The following CTNNA2 variants were observed in gnomAD, a reference collection of about 807,000 sequenced individuals.
The protein encoded by CTNNA2 is catenin alpha 2, also known as catenin alpha-2.
CTNNA2 carries 42 observed loss-of-function variants against 101.0 expected under a neutral mutation model. The observed-to-expected ratio is 0.42, with a 90% confidence interval of 0.32 to 0.54. CTNNA2 has a LOEUF of 0.54. Ranked by LOEUF, CTNNA2 falls within the 20% of genes least tolerant of loss-of-function variation. The pLI is 0.14. For synonymous variants in CTNNA2, 450 were observed against 456.4 expected, an observed-to-expected ratio of 0.99 and a Z score of 0.18; for missense variants, 871 against 1,223.1, an observed-to-expected ratio of 0.71 and a Z score of 4.29.
intron 3 of CTNNA2, among the ~76,000 whole-genome samples, chr2:79,356,647 TC>T (rs1304480622): frequency 6.6e-6 from 1 of 152,178 alleles, no homozygotes; most frequent in African/African-American, 2.4e-5. Context: ...CAACCCAACG[TC>T]TAGTTAGCTT....
chr2:79,988,466 ATGTGTGTGTG>A (rs70940067), intron 7 of CTNNA2, among the ~76,000 whole-genome samples: 70,262 of 149,048 alleles, frequency 0.47, 18,318 homozygotes, highest in Non-Finnish European at 0.62. Context: ...GTGTATGTGT[ATGTGTGTGTG>A]TGTGTGTGTG....
In CTNNA2 at chr2:80,377,659, T is replaced by A. The variant is rs539280537; in HGVS notation, c.1057-15552T>A. On this transcript the variant is annotated intron_variant, in intron 7 of 18. Coordinates refer to ENST00000402739, the MANE Select transcript of CTNNA2 (RefSeq NM_001282597.3). ...CATAAGAAGGTAAAATGAGATAACA[T>A]TGATTTATTTATCAAAGCATCCGTC... is the stretch of plus-strand genomic sequence containing the variant. 3.9e-5 allele frequency among the ~76,000 whole-genome samples: 6 copies of A among 152,292 alleles called. No individual in the cohort carries two copies. The South Asian group carries it at 1.0e-3, about 26-fold the overall frequency.
chr2:79,220,172 G>T (rs1674323487), intron 2 of CTNNA2, among the ~76,000 whole-genome samples: 1 of 151,512 alleles, frequency 6.6e-6, no homozygotes. Flanking sequence ...GTATGTGTGT[G>T]TGTGTATATA....
At chr2:79,196,748 G>T (rs1673966624) in intron 1 of CTNNA2, among the ~76,000 whole-genome samples, 1 of 152,186 alleles carries the variant, frequency 6.6e-6, no homozygotes, top group Admixed American at 6.5e-5. Context: ...AAGCAAATTT[G>T]TTGCACTGTG....
chr2:80,212,607 G>A (rs188136421), intron 7 of CTNNA2, among the ~76,000 whole-genome samples: 103 of 152,216 alleles, frequency 6.8e-4, no homozygotes, highest in Non-Finnish European at 1.0e-3. Context: ...ATGTGCTGCC[G>A]GATTCGGTTT....
intron 7 of CTNNA2, among the ~76,000 whole-genome samples, chr2:79,959,717 T>C (rs1452538805): frequency 1.3e-5 from 2 of 152,252 alleles, no homozygotes; most frequent in African/African-American, 4.8e-5. Flanking sequence ...CTAAGCCATT[T>C]ACACAAGTAG....
chr2:79,532,352 T>G (rs1672797857), intron 1 of CTNNA2, among the ~76,000 whole-genome samples: 1 of 152,088 alleles, frequency 6.6e-6, no homozygotes, highest in Non-Finnish European at 1.5e-5. Flanking sequence ...ATTTAGGAGG[T>G]AAAAGAGAGT....
At chr2:79,535,727 G>T (rs1168497859) in intron 1 of CTNNA2, among the ~76,000 whole-genome samples, 1 of 152,000 alleles carries the variant, frequency 6.6e-6, no homozygotes, top group Non-Finnish European at 1.5e-5. Flanking sequence ...CCAGGGACGG[G>T]TCAAATATGA....
chr2:79,246,793 A>G (rs1674706209), intron 2 of CTNNA2, among the ~76,000 whole-genome samples: 1 of 152,236 alleles, frequency 6.6e-6, no homozygotes, highest in Admixed American at 6.5e-5. Context: ...AGCTTGAAAG[A>G]GAAGGAAGTT....
At chr2:79,944,655 A>T (rs1688376381) in intron 7 of CTNNA2, among the ~76,000 whole-genome samples, 1 of 152,214 alleles carries the variant, frequency 6.6e-6, no homozygotes, top group African/African-American at 2.4e-5. Flanking sequence ...TTTTAGCATA[A>T]GGAGATCCAT....
chr2:79,256,644 C>T (rs1485949518), intron 2 of CTNNA2, among the ~76,000 whole-genome samples: 1 of 152,146 alleles, frequency 6.6e-6, no homozygotes, highest in East Asian at 1.9e-4. Context: ...TTGATCTCAT[C>T]CACTACTTGC....
chr2:79,408,926 AG>A (rs1678374492), intron 4 of CTNNA2, among the ~76,000 whole-genome samples: 1 of 142,574 alleles, frequency 7.0e-6, no homozygotes, highest in Non-Finnish European at 1.6e-5. Context: ...ACAGTGTAAA[AG>A]TGTTCCTATT....
chr2:79,324,639 G>C (rs980636105), intron 3 of CTNNA2, among the ~76,000 whole-genome samples: 11 of 151,932 alleles, frequency 7.2e-5, no homozygotes, highest in Non-Finnish European at 1.5e-4. Flanking sequence ...CCAGGAAACT[G>C]AGCATTTCTT....
intron 7 of CTNNA2, among the ~76,000 whole-genome samples, chr2:80,158,691 C>T (rs61100595): frequency 0.12 from 17,850 of 152,182 alleles, 1,228 homozygotes; most frequent in South Asian, 0.3. Context: ...AGGCAGATCA[C>T]GAGGTCAGGA....
chr2:79,568,312 T>C (rs1675240662), intron 1 of CTNNA2, among the ~76,000 whole-genome samples: 1 of 152,200 alleles, frequency 6.6e-6, no homozygotes, highest in Non-Finnish European at 1.5e-5. Context: ...TTTATAAAAG[T>C]ACCTTCAGCC....
At chr2:80,476,687 C>G (rs946646397) in intron 9 of CTNNA2, among the ~76,000 whole-genome samples, 17 of 152,102 alleles carry the variant, frequency 1.1e-4, no homozygotes, top group African/African-American at 3.9e-4. Context: ...ACTGACAACA[C>G]CACAATGCTC....
At chr2:80,366,018 G>A (rs553111322) in intron 7 of CTNNA2, among the ~76,000 whole-genome samples, 3 of 152,172 alleles carry the variant, frequency 2.0e-5, no homozygotes, top group East Asian at 1.9e-4. Flanking sequence ...CAGGGAACTC[G>A]AATTGCTGTC....
chr2:79,291,317 T>A (rs1675805654), intron 2 of CTNNA2, among the ~76,000 whole-genome samples: 1 of 152,208 alleles, frequency 6.6e-6, no homozygotes, highest in Non-Finnish European at 1.5e-5. Context: ...CCCAGGAGAC[T>A]GTCAGGTGTA....
At chr2:80,067,312 C>T (rs1489140127) in intron 7 of CTNNA2, among the ~76,000 whole-genome samples, 6 of 151,872 alleles carry the variant, frequency 4.0e-5, no homozygotes, top group African/African-American at 9.7e-5. Flanking sequence ...ATACATATTT[C>T]AAAACATCAT....
Sources: gnomAD v4.1 joint callset for allele counts (sites outside exome capture counted in the v4.1 genomes callset) on GRCh38, gnomAD v4.1.1 for gene constraint, MANE v1.5 for transcripts, NCBI Gene and HGNC (gene_info 2026-07-23, HGNC 2026-07-21) for gene names.